Variants in URI1 observed in about 807,000 individuals in gnomAD.
URI1 encodes the protein unconventional prefoldin RPB5 interactor 1.
URI1 carries 39 observed loss-of-function variants against 60.2 expected under a neutral mutation model. That is an observed-to-expected ratio of 0.65 (90% CI 0.50 to 0.85). The LOEUF (loss-of-function observed/expected upper bound fraction) is 0.85. URI1 is among the 40% of genes least tolerant of loss of function. URI1 has a pLI of 0.00. For missense variants in URI1, 691 were observed against 665.9 expected, an observed-to-expected ratio of 1.04 and a Z score of -0.42; for synonymous variants, 251 against 236.8, an observed-to-expected ratio of 1.06 and a Z score of -0.55.
In URI1 at chr19:29,926,203, C is replaced by T. The variant is rs562703517; in HGVS notation, c.63+2449C>T. ...CTGATATTTTGGTGCACCCATTACC[C>T]GAATAAAAATCTTCTCTCTTTCTTC... is the stretch of plus-strand genomic sequence containing the variant. On this transcript the variant is annotated intron_variant, in intron 1 of 10. Transcript: ENST00000360605. Among the ~76,000 whole-genome samples, 12 of 151,446 alleles carry T rather than the reference C, an allele frequency of 7.9e-5. No homozygotes were observed. The East Asian group carries it at 1.7e-3, about 22-fold the overall frequency.
At chr19:29,985,008 T>C (rs1258078301) in intron 2 of URI1, among the ~76,000 whole-genome samples, 1 of 151,414 alleles carries the variant, frequency 6.6e-6, no homozygotes, top group Non-Finnish European at 1.5e-5. Flanking sequence ...TAATCCCAGC[T>C]ACTCAGGAGG....
chr19:29,970,744 G>A (rs2055448528), intron 1 of URI1, among the ~76,000 whole-genome samples: 1 of 151,950 alleles, frequency 6.6e-6, no homozygotes, highest in African/African-American at 2.4e-5. Context: ...AGGTGAAAAT[G>A]TTTGGAGATA....
intron 1 of URI1, among the ~76,000 whole-genome samples, chr19:29,927,424 C>T (rs190788860): frequency 8.5e-4 from 129 of 151,848 alleles, no homozygotes; most frequent in African/African-American, 2.8e-3. Context: ...CCACCACACC[C>T]GGCTAATCTT....
Position 29,942,440 on chromosome 19 carries a change from C to T in URI1, c.-108C>T, listed in dbSNP as rs529132705. On this transcript the variant is annotated 5_prime_UTR_variant, in exon 1 of 11. Coordinates refer to ENST00000392271, the MANE Select transcript of URI1 (RefSeq NM_003796.3). ...GGCGCGGCCTCCTGGGCGCGGGGCGCGCGGTGCCTGAGGGCGGGCGCGCGG... is the reference window on the plus strand; with the variant it reads ...GGCGCGGCCTCCTGGGCGCGGGGCGTGCGGTGCCTGAGGGCGGGCGCGCGG... 2.1e-5 allele frequency: 21 copies of T among 989,784 alleles called. No homozygotes were observed. In the South Asian group the frequency reaches 7.2e-4, roughly 34 times the overall value. The allele number at this position is 989,784 out of a possible 1,614,324, so 61.3% of individuals were successfully genotyped here. A position where few individuals can be genotyped will look rare whatever the true frequency, so the allele number is the denominator to read the frequency against.
intron 1 of URI1, among the ~76,000 whole-genome samples, chr19:29,926,219 CTCTT>C (rs2054864361): frequency 6.6e-6 from 1 of 150,502 alleles, no homozygotes; most frequent in Non-Finnish European, 1.5e-5. Flanking sequence ...AAAATCTTCT[CTCTT>C]TCTTCCTCTC....
intron 1 of URI1, among the ~76,000 whole-genome samples, chr19:29,930,697 G>GT (rs527867838): frequency 1.1e-3 from 159 of 151,416 alleles, no homozygotes; most frequent in African/African-American, 3.4e-3. Context: ...AATGTTTTTT[G>GT]TTTTTTTTGT....
In URI1 at chr19:30,015,246, A is replaced by G. The variant is rs149641938; in HGVS notation, c.*177A>G. On this transcript the variant is annotated 3_prime_UTR_variant, in exon 11 of 11. Transcript: ENST00000392271. ...AAAAAATCAAGGTAACTGTCTGAAT[A>G]CTTTAATATCAGCTTGTTTTGTGAA... 279 of 1,416,654 alleles carry G rather than the reference A, an allele frequency of 2.0e-4. 3 individuals are homozygous for G. The East Asian group carries it at 5.1e-3, about 26-fold the overall frequency. 87.8% of individuals were successfully genotyped at this position (1,416,654 alleles called of 1,614,324 possible).
intron 4 of URI1, among the ~76,000 whole-genome samples, chr19:29,989,580 G>A (rs760450500): frequency 9.9e-5 from 15 of 151,050 alleles, no homozygotes; most frequent in Non-Finnish European, 2.1e-4. Flanking sequence ...GTACCACCAC[G>A]CCCGGCTAAT....
chr19:29,991,836 G>A (rs162950), intron 4 of URI1, among the ~76,000 whole-genome samples: 150,067 of 152,310 alleles, frequency 0.99, 73,937 homozygotes, highest in East Asian at 1. Flanking sequence ...ATTTTGTCCA[G>A]TGTATTTTCT....
At chr19:29,976,503 G>C (rs1047079820) in intron 2 of URI1, among the ~76,000 whole-genome samples, 4 of 152,180 alleles carry the variant, frequency 2.6e-5, no homozygotes, top group Non-Finnish European at 5.9e-5. Flanking sequence ...GCAAGGCCAC[G>C]TTATGTTGGT....
chr19:29,974,978 A>G (rs2055502654), intron 2 of URI1, among the ~76,000 whole-genome samples: 1 of 151,918 alleles, frequency 6.6e-6, no homozygotes, highest in Non-Finnish European at 1.5e-5. Flanking sequence ...TATCCAGTTC[A>G]CTGTTGATGG....
At chr19:29,981,536 C>T (rs1296022389) in intron 2 of URI1, among the ~76,000 whole-genome samples, 1 of 151,716 alleles carries the variant, frequency 6.6e-6, no homozygotes, top group Non-Finnish European at 1.5e-5. Flanking sequence ...GCATATTGCA[C>T]ATGATTAGCA....
chr19:29,965,514 T>C (rs1430690008), intron 1 of URI1, among the ~76,000 whole-genome samples: 1 of 152,240 alleles, frequency 6.6e-6, no homozygotes, highest in Non-Finnish European at 1.5e-5. Context: ...TTGACAAAAC[T>C]GGAACTTATA....
intron 1 of URI1, among the ~76,000 whole-genome samples, chr19:29,953,972 T>C (rs2055211170): frequency 6.6e-6 from 1 of 152,030 alleles, no homozygotes; most frequent in Non-Finnish European, 1.5e-5. Context: ...AGAAAGAAAC[T>C]AAAAAAATAA....
chr19:29,927,560 C>CTTTTTTTTTTTTTTTT (rs3049080), intron 1 of URI1, among the ~76,000 whole-genome samples: 4 of 39,812 alleles, frequency 1.0e-4, no homozygotes, highest in African/African-American at 3.8e-4. Flanking sequence ...CTGCACCCGG[C>CTTTTTTTTTTTTTTTT]TTTTTTTTTT....
At chr19:29,927,831 C>T (rs1397375403) in intron 1 of URI1, among the ~76,000 whole-genome samples, 1 of 151,986 alleles carries the variant, frequency 6.6e-6, no homozygotes, top group Non-Finnish European at 1.5e-5. Flanking sequence ...CCCACCTCGG[C>T]CTCCCAAAAT....
At chr19:29,942,231 G>A (rs1599655436), upstream of URI1, 6 of 984,822 alleles carry the variant, frequency 6.1e-6, no homozygotes, top group South Asian at 4.7e-5. Context: ...TGCCGCGAGA[G>A]GCGGGGCGTG....
At chr19:30,001,272 A>G (rs1599718505) in intron 4 of URI1, among the ~76,000 whole-genome samples, 3 of 151,844 alleles carry the variant, frequency 2.0e-5, no homozygotes, top group African/African-American at 7.3e-5. Context: ...TTGTTGACTG[A>G]TAGGTATTTT....
chr19:29,947,402 C>G (rs906837153), intron 1 of URI1, among the ~76,000 whole-genome samples: 2 of 152,192 alleles, frequency 1.3e-5, no homozygotes, highest in Non-Finnish European at 2.9e-5. Context: ...TTGCCTGGAA[C>G]TTTCTCATGG....
Sources: gnomAD v4.1 joint callset for allele counts (sites outside exome capture counted in the v4.1 genomes callset) on GRCh38, gnomAD v4.1.1 for gene constraint, MANE v1.5 for transcripts, NCBI Gene and HGNC (gene_info 2026-07-23, HGNC 2026-07-21) for gene names.